IRAG1: variants seen among roughly 807,000 people sequenced by gnomAD.
IRAG1 encodes the protein inositol 1,4,5-triphosphate receptor associated 1, also known as IP3R-associated cGMP kinase substrate.
In IRAG1, 62 loss-of-function variants were observed where a neutral mutation model predicts 106.2. The ratio of observed to expected loss-of-function variants is 0.58; its 90% CI spans 0.48 to 0.72. The LOEUF is 0.72. IRAG1 is among the 30% of genes least tolerant of loss of function. IRAG1 has a pLI of 0.00. For synonymous variants in IRAG1, 462 were observed against 443.9 expected, an observed-to-expected ratio of 1.04 and a Z score of -0.51; for missense variants, 1,064 against 1,140.7, an observed-to-expected ratio of 0.93 and a Z score of 0.97.
chr11:10,576,280 G>A lies in IRAG1; in HGVS notation c.*52C>T. 6.2e-7 allele frequency: 1 copy of A among 1,604,702 alleles called. No individual in the cohort carries two copies. The highest frequency in any genetic ancestry group is 8.5e-7 in the Non-Finnish European group (1 of 1,174,432). On this transcript the variant is annotated 3_prime_UTR_variant, in exon 21 of 21. Transcript: ENST00000423302. ...GGGCCTGACGTTATACTTGGGGAAAGGGTGGTAGTCTGAGTGTCTCAGAGC... is the reference window on the plus strand; with the variant it reads ...GGGCCTGACGTTATACTTGGGGAAAAGGTGGTAGTCTGAGTGTCTCAGAGC...
In IRAG1 at chr11:10,634,061, G is replaced by T; in HGVS notation, c.236C>A (p.Ala79Asp). ...AGTTGGACTGCAAGATACTCCTGCG[G>T]CAGGAGGACCCTGCCGGTTTAGAAC... Reference protein sequence around the residue: ...AQSPAGQGPPAAGVSCSPTPT... With the variant: ...AQSPAGQGPPDAGVSCSPTPT... The change falls in exon 3 of 21, where the codon GCC (alanine) becomes GAC (aspartate). Residue 79 changes from alanine (A) to aspartate (D), a missense_variant. Coordinates refer to ENST00000423302, the MANE Select transcript of IRAG1 (RefSeq NM_130385.4). 6.2e-7 allele frequency: 1 copy of T among 1,608,330 alleles called. No homozygotes were observed. The highest frequency in any genetic ancestry group is 8.5e-7 in the Non-Finnish European group (1 of 1,176,296).
chr11:10,682,100 CAT>C (rs2135213053), intron 1 of IRAG1, among the ~76,000 whole-genome samples: 1 of 152,238 alleles, frequency 6.6e-6, no homozygotes, highest in African/African-American at 2.4e-5. Flanking sequence ...TCATCAGTAA[CAT>C]AGAGATAATA....
Position 10,665,310 on chromosome 11 carries a change from GC to G in IRAG1, c.68-13129del, listed in dbSNP as rs1249999287. ...GCCCAGCATCTGGCCAGAAACCCCAGCCCAAACACAGAACCTTCTCCCACCT... is the reference window on the plus strand; with the variant it reads ...GCCCAGCATCTGGCCAGAAACCCCAGCCAAACACAGAACCTTCTCCCACCT... On this transcript the variant is annotated intron_variant, in intron 1 of 20. Transcript: ENST00000423302. The surrounding 1 kb of genome is among the most constrained non-coding windows in gnomAD (Gnocchi z 4.2). 6.6e-6 allele frequency among the ~76,000 whole-genome samples: 1 copy of G among 152,074 alleles called. No homozygotes were observed. Among genetic ancestry groups the G allele is most frequent in the Non-Finnish European group, 1.5e-5 (1 of 68,004 alleles).
At chr11:10,688,966 A>T (rs528912632) in intron 1 of IRAG1, among the ~76,000 whole-genome samples, 3 of 152,270 alleles carry the variant, frequency 2.0e-5, no homozygotes, top group African/African-American at 7.2e-5. Context: ...ACTACTTCAG[A>T]GGGTTGCTGT....
chr11:10,679,403 G>T (rs1860965729), intron 1 of IRAG1, among the ~76,000 whole-genome samples: 2 of 152,162 alleles, frequency 1.3e-5, no homozygotes, highest in Non-Finnish European at 2.9e-5. Flanking sequence ...GGTGCCTGGT[G>T]CTTTAGGCAT....
At chr11:10,600,201 C>G (rs1853828732) in intron 15 of IRAG1, among the ~76,000 whole-genome samples, 1 of 152,212 alleles carries the variant, frequency 6.6e-6, no homozygotes, top group African/African-American at 2.4e-5. Context: ...TGTCTCCCTT[C>G]AAGCAGAATC....
In IRAG1 at chr11:10,580,514, A is replaced by C. The variant is rs779976417; in HGVS notation, c.2436T>G (p.Ser812Arg). The C allele has an allele frequency of 3.1e-6, 5 of 1,613,310 alleles. No homozygotes were observed. The South Asian group carries it at 4.4e-5, about 14-fold the overall frequency. The change falls in exon 20 of 21, where the codon AGT becomes AGG. Residue 812 changes from serine (S) to arginine (R), a missense_variant. By Grantham distance (110) the Ser-to-Arg change is moderately radical. Coordinates refer to ENST00000423302, the MANE Select transcript of IRAG1 (RefSeq NM_130385.4). The stretch of plus-strand genomic sequence containing the variant: ...CTTCTACCTCTTCAGGTTCCTCAGG[A>C]CTCTCACTCTTCTGTTCTTCCTCCT... ...KEEEEEQKSE[S>R]PEEPEEVEET...
At chr11:10,607,471 C>G (rs576787333) in intron 11 of IRAG1, among the ~76,000 whole-genome samples, 4 of 152,368 alleles carry the variant, frequency 2.6e-5, no homozygotes, top group South Asian at 4.1e-4. Flanking sequence ...ACAGCCAGGG[C>G]TCTCCAGCTA....
At chr11:10,661,340 A>G (rs1364181009) in intron 1 of IRAG1, among the ~76,000 whole-genome samples, 1 of 152,092 alleles carries the variant, frequency 6.6e-6, no homozygotes, top group Admixed American at 6.5e-5. Context: ...TCATAAACCC[A>G]TTCCTCCTCT....
At chr11:10,688,094 C>CAA (rs758245572) in intron 1 of IRAG1, among the ~76,000 whole-genome samples, 9 of 136,040 alleles carry the variant, frequency 6.6e-5, no homozygotes, top group Admixed American at 7.3e-5. Context: ...TTCCAAAGGC[C>CAA]AAAAAAAAAA....
chr11:10,609,977 T>C, intron 10 of IRAG1, 126 bp from the exon 11 acceptor site: 1 of 890,468 alleles, frequency 1.1e-6, no homozygotes, highest in East Asian at 2.7e-5. Flanking sequence ...TTAATTGTTA[T>C]CTTACATTAT....
chr11:10,663,217 CAATA>C (rs1165643152), intron 1 of IRAG1, among the ~76,000 whole-genome samples: 2 of 151,918 alleles, frequency 1.3e-5, no homozygotes, highest in Non-Finnish European at 2.9e-5. Flanking sequence ...CACCACAGCC[CAATA>C]AATAAATAAA....
chr11:10,662,812 T>C (rs1589940380), intron 1 of IRAG1, among the ~76,000 whole-genome samples: 1 of 152,152 alleles, frequency 6.6e-6, no homozygotes, highest in Admixed American at 6.5e-5. Flanking sequence ...CAGACTCTGG[T>C]ATTAGGGGTC....
chr11:10,680,357 GAAA>G (rs1861082464), intron 1 of IRAG1, among the ~76,000 whole-genome samples: 1 of 88,604 alleles, frequency 1.1e-5, no homozygotes, highest in Non-Finnish European at 2.1e-5. Flanking sequence ...AAGAAAGAAA[GAAA>G]GAAAGAAAGA....
chr11:10,608,614 T>C, intron 11 of IRAG1, among the ~76,000 whole-genome samples: 1 of 152,250 alleles, frequency 6.6e-6, no homozygotes, highest in East Asian at 1.9e-4. Context: ...ACACAGCATC[T>C]TTTTTAAGTG....
chr11:10,623,549 G>A (rs995119608), intron 10 of IRAG1, among the ~76,000 whole-genome samples: 15 of 152,212 alleles, frequency 9.9e-5, no homozygotes, highest in Non-Finnish European at 1.5e-5. Flanking sequence ...AGGCCCACTA[G>A]ATGCCAGCAT....
At chr11:10,594,245 G>T in intron 15 of IRAG1, 50 bp from the exon 16 acceptor site, 1 of 1,544,888 alleles carries the variant, frequency 6.5e-7, no homozygotes. Flanking sequence ...TTCAGGCTAG[G>T]CACCAGCAGG....
chr11:10,693,386 C>T lies in IRAG1; in HGVS notation c.67+150G>A, dbSNP rs140180517. The stretch of plus-strand genomic sequence containing the variant: ...TTAAGACAGCAACAATAAAGATACT[C>T]AGCTGAAATGCCACCCAACAAAGCC... On this transcript the variant is annotated intron_variant, in intron 1 of 20. Coordinates refer to ENST00000423302, the MANE Select transcript of IRAG1 (RefSeq NM_130385.4). 558 of 1,383,418 alleles carry T rather than the reference C, an allele frequency of 4.0e-4. 1 individual carries two copies. The highest frequency in any genetic ancestry group is 1.7e-3 in the East Asian group (68 of 39,104). 85.7% of individuals were successfully genotyped at this position (1,383,418 alleles called of 1,614,324 possible). A position where few individuals can be genotyped will look rare whatever the true frequency, so the allele number is the denominator to read the frequency against.
intron 10 of IRAG1, among the ~76,000 whole-genome samples, chr11:10,610,435 T>C (rs1854850768): frequency 1.3e-5 from 2 of 152,252 alleles, no homozygotes; most frequent in East Asian, 1.9e-4. Flanking sequence ...TTTTGTTTTT[T>C]AAACTTCTAA....
Sources: allele counts gnomAD v4.1 joint callset (sites outside exome capture counted in the v4.1 genomes callset), GRCh38; gene constraint gnomAD v4.1.1; non-coding constraint Gnocchi (gnomAD v3.1); transcripts MANE v1.5; gene names NCBI Gene and HGNC (gene_info 2026-07-23, HGNC 2026-07-21).